The following PCDHA12 variants were observed in gnomAD, a reference collection of about 807,000 sequenced individuals.
PCDHA12 encodes the protein protocadherin alpha-12.
Under a neutral mutation model 60.0 loss-of-function variants are expected in PCDHA12, and 44 were observed. The observed-to-expected ratio is 0.73, with a 90% confidence interval of 0.58 to 0.94. PCDHA12 has a LOEUF of 0.94. Among genes scored for constraint, PCDHA12 ranks in the 40% least tolerant of loss-of-function variants. The pLI, the probability that PCDHA12 is intolerant of heterozygous loss-of-function variation, is 0.00. For synonymous variants in PCDHA12, 569 were observed against 553.0 expected, an observed-to-expected ratio of 1.03 and a Z score of -0.40; for missense variants, 1,276 against 1,239.7, an observed-to-expected ratio of 1.03 and a Z score of -0.44.
rs376943163 is a variant in PCDHA12 at position 140,883,718 on chromosome 5, G to C, written c.2367+5879G>C. On this transcript the variant is annotated intron_variant, in intron 1 of 3. Coordinates refer to ENST00000398631, the MANE Select transcript of PCDHA12 (RefSeq NM_018903.4). The stretch of plus-strand genomic sequence containing the variant: ...CACGGTGTCTGCTCAGGACGCGGAC[G>C]CACAGGAGAACGCGCTGGTCTCCTA... The C allele has an allele frequency of 5.0e-5, 81 of 1,613,524 alleles. No homozygotes were observed. Among genetic ancestry groups the C allele is most frequent in the Non-Finnish European group, 6.4e-5 (75 of 1,179,854 alleles).
intron 1 of PCDHA12, among the ~76,000 whole-genome samples, chr5:140,972,293 C>T (rs912767406): frequency 2.0e-5 from 3 of 151,768 alleles, no homozygotes; most frequent in Non-Finnish European, 4.4e-5. Flanking sequence ...ATGTGCGCCA[C>T]CGTGTCTGAC....
intron 3 of PCDHA12, among the ~76,000 whole-genome samples, chr5:140,998,621 A>G (rs1167341355): frequency 5.3e-5 from 8 of 151,758 alleles, no homozygotes; most frequent in Admixed American, 3.9e-4. Context: ...CTGGAGTGCA[A>G]TGGCACAATC....
rs535720832 is a variant in PCDHA12 at position 140,876,757 on chromosome 5, G to A, written c.1285G>A (p.Asp429Asn). The change falls in exon 1 of 4, where the codon GAT (aspartate) becomes AAT (asparagine). Residue 429 changes from aspartate (D) to asparagine (N), a missense_variant. Transcript: ENST00000398631. ...CTATGAGCTGGTGGTGACTGCGCGG[G>A]ATGGGGGCTCGCCTTCGCTGTGGGC... ...SAYELVVTAR[D>N]GGSPSLWATA... 85 of 1,614,274 alleles carry A rather than the reference G, an allele frequency of 5.3e-5. No individual in the cohort carries two copies. The South Asian group carries it at 8.8e-4, about 17-fold the overall frequency.
chr5:140,991,501 A>G (rs1223011478), intron 3 of PCDHA12, among the ~76,000 whole-genome samples: 1 of 152,216 alleles, frequency 6.6e-6, no homozygotes, highest in East Asian at 1.9e-4. Context: ...AGTGAGTTTC[A>G]CTGGCTAAAA....
chr5:140,937,717 C>G (rs868958316), intron 1 of PCDHA12, among the ~76,000 whole-genome samples: 34 of 151,858 alleles, frequency 2.2e-4, no homozygotes, highest in African/African-American at 8.2e-4. Flanking sequence ...TCAAGACCAT[C>G]CTGGCTAACA....
chr5:140,966,454 C>A (rs897696652), intron 1 of PCDHA12: 2 of 426,524 alleles, frequency 4.7e-6, no homozygotes, highest in Non-Finnish European at 8.1e-6. Flanking sequence ...TCCCCCTCCC[C>A]CTCTGTCTTC....
intron 1 of PCDHA12, among the ~76,000 whole-genome samples, chr5:140,904,137 G>A (rs2070857554): frequency 6.6e-6 from 1 of 152,040 alleles, no homozygotes; most frequent in African/African-American, 2.4e-5. Context: ...CATCACCCGA[G>A]CAGTATACAT....
At position 140,877,007 on chromosome 5, in the gene PCDHA12, C is replaced by T; in HGVS notation, c.1535C>T (p.Ala512Val). 1.2e-6 allele frequency: 2 copies of T among 1,612,430 alleles called. No individual in the cohort carries two copies. Among genetic ancestry groups the T allele is most frequent in the Non-Finnish European group, 1.7e-6 (2 of 1,179,790 alleles). ...CTGTCGAGCTACGTGTCGGTGCACG[C>T]GGAGAGCGGCAAGGTGTACGCGCTG... ...HALSSYVSVH[A>V]ESGKVYALQP... is the part of the protein sequence containing the mutation. Residue 512 changes from alanine to valine, a missense_variant, in exon 1 of 4, where the codon GCG (alanine) becomes GTG (valine). Ala to Val is a moderately conservative substitution (Grantham distance 64). Coordinates refer to ENST00000398631, the MANE Select transcript of PCDHA12 (RefSeq NM_018903.4).
In PCDHA12 at chr5:140,877,741, A is replaced by C; in HGVS notation, c.2269A>C (p.Arg757=). The change falls in exon 1 of 4, where the codon AGG becomes CGG. Residue 757 remains arginine, a synonymous_variant. Coordinates refer to ENST00000398631, the MANE Select transcript of PCDHA12 (RefSeq NM_018903.4). ...GTCTTACTCGCAGCAGAGGAGGCAG[A>C]GGGTGTGCTCTGCAGAGAGCCCGCC... is the stretch of plus-strand genomic sequence containing the variant. ...SWSYSQQRRQ[R]VCSAESPPKT... 1 of 1,614,182 alleles carries C rather than the reference A, an allele frequency of 6.2e-7. No individual in the cohort carries two copies. The highest frequency in any genetic ancestry group is 8.5e-7 in the Non-Finnish European group (1 of 1,180,034).
chr5:140,975,380 G>A (rs1554236775), intron 1 of PCDHA12, among the ~76,000 whole-genome samples: 2 of 152,220 alleles, frequency 1.3e-5, no homozygotes, highest in African/African-American at 4.8e-5. Flanking sequence ...GTAATCATGG[G>A]AATAAGATCC....
intron 1 of PCDHA12, among the ~76,000 whole-genome samples, chr5:140,976,508 G>A (rs1039409709): frequency 6.6e-6 from 1 of 151,976 alleles, no homozygotes; most frequent in Non-Finnish European, 1.5e-5. Context: ...CCAAGATCGC[G>A]CCACTGCACA....
chr5:140,979,004 A>T lies in PCDHA12; in HGVS notation c.2423A>T (p.His808Leu). ...RYSASLRAGM[H>L]SSVHLEEAGI... Reference sequence around the variant, plus strand: ...TCTGCCTCCCTGAGAGCAGGCATGCACAGGTATGTATTTCCCTCCTCATTC... The same window carrying T: ...TCTGCCTCCCTGAGAGCAGGCATGCTCAGGTATGTATTTCCCTCCTCATTC... Residue 808 changes from histidine (H) to leucine (L), a missense_variant, in exon 2 of 4, where the codon CAC becomes CTC. His to Leu is a moderately conservative substitution (Grantham distance 99). Coordinates refer to ENST00000398631, the MANE Select transcript of PCDHA12 (RefSeq NM_018903.4). The T allele has an allele frequency of 6.2e-7, 1 of 1,614,144 alleles. No homozygotes were observed. Among genetic ancestry groups the T allele is most frequent in the South Asian group, 1.1e-5 (1 of 91,052 alleles).
intron 1 of PCDHA12, among the ~76,000 whole-genome samples, chr5:140,961,302 A>G (rs1383841228): frequency 6.6e-6 from 1 of 152,222 alleles, no homozygotes; most frequent in African/African-American, 2.4e-5. Context: ...GTTAAAGAAC[A>G]TGATTTACCA....
Position 140,877,485 on chromosome 5 carries a change from G to A in PCDHA12, c.2013G>A (p.Glu671=), listed in dbSNP as rs1554169791. 6.2e-7 allele frequency: 1 copy of A among 1,613,882 alleles called. No individual in the cohort carries two copies. The highest frequency in any genetic ancestry group is 1.7e-5 in the Admixed American group (1 of 60,024). The part of the protein sequence containing the change: ...STATVLVSLV[E]NGQAPKTSSR... ...CCACGGTGCTGGTGTCGCTGGTGGAGAACGGCCAGGCCCCAAAGACGTCGT... is the reference window on the plus strand; with the variant it reads ...CCACGGTGCTGGTGTCGCTGGTGGAAAACGGCCAGGCCCCAAAGACGTCGT... Residue 671 remains glutamate (E), a synonymous_variant, in exon 1 of 4, where the codon GAG becomes GAA. Coordinates refer to ENST00000398631, the MANE Select transcript of PCDHA12 (RefSeq NM_018903.4).
chr5:140,882,715 A>G (rs143870647), intron 1 of PCDHA12: 102 of 1,614,124 alleles, frequency 6.3e-5, no homozygotes, highest in African/African-American at 1.7e-4. Context: ...GACCTCCGGA[A>G]ACTCGATTTC....
At chr5:140,920,662 G>A (rs2079759376) in intron 1 of PCDHA12, among the ~76,000 whole-genome samples, 1 of 152,044 alleles carries the variant, frequency 6.6e-6, no homozygotes, top group Admixed American at 6.6e-5. Context: ...TTGCCAACAT[G>A]GTGAAACCCC....
At chr5:140,938,205 C>T (rs1435832298) in intron 1 of PCDHA12, among the ~76,000 whole-genome samples, 3 of 152,160 alleles carry the variant, frequency 2.0e-5, no homozygotes, top group Non-Finnish European at 4.4e-5. Context: ...GCCAGCCTCC[C>T]AAAGTGCTGG....
At chr5:141,008,712 T>G (rs1554261909) in intron 3 of PCDHA12, among the ~76,000 whole-genome samples, 1 of 152,210 alleles carries the variant, frequency 6.6e-6, no homozygotes, top group Non-Finnish European at 1.5e-5. Flanking sequence ...TCTAGTTGCT[T>G]GAGTGTATGT....
chr5:140,988,444 A>G (rs1554250146), intron 3 of PCDHA12, among the ~76,000 whole-genome samples: 1 of 152,112 alleles, frequency 6.6e-6, no homozygotes, highest in Non-Finnish European at 1.5e-5. Flanking sequence ...GATTGACCTG[A>G]AGGGAGGAAG....
Sources: allele counts gnomAD v4.1 joint callset (sites outside exome capture counted in the v4.1 genomes callset), GRCh38; gene constraint gnomAD v4.1.1; transcripts MANE v1.5; gene names NCBI Gene and HGNC (gene_info 2026-07-23, HGNC 2026-07-21).